PPP4R3B: variants seen among roughly 807,000 people sequenced by gnomAD.
The protein encoded by PPP4R3B is serine/threonine-protein phosphatase 4 regulatory subunit 3B.
In PPP4R3B, 52 loss-of-function variants were observed where a neutral mutation model predicts 95.4. The observed-to-expected ratio is 0.54, with a 90% confidence interval of 0.44 to 0.69. The LOEUF is 0.69. Among genes scored for constraint, PPP4R3B ranks in the 30% least tolerant of loss-of-function variants. PPP4R3B has a pLI of 0.00. For synonymous variants in PPP4R3B, 407 were observed against 343.9 expected, an observed-to-expected ratio of 1.18 and a Z score of -2.03; for missense variants, 1,003 against 1,005.9, an observed-to-expected ratio of 1.00 and a Z score of 0.04.
In PPP4R3B at chr2:55,547,354, A is replaced by G. The variant is rs1430925404; in HGVS notation, c.*2557T>C. The G allele has an allele frequency of 6.6e-6, 1 of 152,226 alleles. No individual in the cohort carries two copies. Among genetic ancestry groups the G allele is most frequent in the Non-Finnish European group, 1.5e-5 (1 of 68,038 alleles). 9.4% of individuals were successfully genotyped at this position (152,226 alleles called of 1,614,324 possible). ...TATTGGACACATGTTTACAGATACC[A>G]TTTTAAGAAGACCTAAGGCATACAA... On this transcript the variant is annotated 3_prime_UTR_variant, in exon 17 of 17. Coordinates refer to ENST00000616407, the MANE Select transcript of PPP4R3B (RefSeq NM_001122964.3).
chr2:55,617,048 G>A (rs971639115), intron 1 of PPP4R3B, 96 bp downstream of exon 1: 12 of 1,416,700 alleles, frequency 8.5e-6, no homozygotes, highest in Non-Finnish European at 1.1e-5. Context: ...GCGCTGTCCC[G>A]AAGGAGTAGC....
At chr2:55,605,411 T>C (rs1693240409) in intron 2 of PPP4R3B, among the ~76,000 whole-genome samples, 1 of 152,176 alleles carries the variant, frequency 6.6e-6, no homozygotes, top group South Asian at 2.1e-4. Context: ...ATGGGAACAT[T>C]TCAGTACTTT....
chr2:55,615,241 C>A (rs1694727659), intron 2 of PPP4R3B: 3 of 509,782 alleles, frequency 5.9e-6, no homozygotes, highest in East Asian at 7.2e-5. Flanking sequence ...TTAGAATAAA[C>A]CGACAGTGGC....
rs1368441393 is a variant in PPP4R3B at position 55,579,165 on chromosome 2, G to A, written c.1468+514C>T. 3.3e-5 allele frequency among the ~76,000 whole-genome samples: 5 copies of A among 151,918 alleles called. No homozygotes were observed. The South Asian group carries it at 8.3e-4, about 25-fold the overall frequency. Reference sequence around the variant, plus strand: ...ACAGAAATTGCAGCTGATGAATTACGGGTGCCGATTACATAAGAAAGAGAA... The same window carrying A: ...ACAGAAATTGCAGCTGATGAATTACAGGTGCCGATTACATAAGAAAGAGAA... On this transcript the variant is annotated intron_variant, in intron 9 of 16. Transcript: ENST00000616407.
At chr2:55,565,674 C>T (rs1293665935) in intron 13 of PPP4R3B, 2 of 197,838 alleles carry the variant, frequency 1.0e-5, no homozygotes, top group African/African-American at 4.7e-5. Context: ...TTAATGACTT[C>T]CTGTTTAACT....
At chr2:55,609,230 C>T (rs9636439) in intron 2 of PPP4R3B, among the ~76,000 whole-genome samples, 106,757 of 151,866 alleles carry the variant, frequency 0.7, 38,324 homozygotes, top group Non-Finnish European at 0.77. Flanking sequence ...GTGATCATCA[C>T]GAACTATAGC....
Position 55,558,955 on chromosome 2 carries a change from T to G in PPP4R3B, c.2274A>C (p.Glu758Asp). The G allele has an allele frequency of 1.2e-6, 2 of 1,606,334 alleles. No individual in the cohort carries two copies. The highest frequency in any genetic ancestry group is 1.1e-5 in the South Asian group (1 of 89,368). Reference sequence around the variant, plus strand: ...TCCTTTTGGGAAGGTTTTCCTTGTCTTCACTTTCTTTTGCTAAAGCAAAAG... The same window carrying G: ...TCCTTTTGGGAAGGTTTTCCTTGTCGTCACTTTCTTTTGCTAAAGCAAAAG... ...FMETKKAKES[E>D]DKENLPKRTS... Residue 758 changes from glutamate (E) to aspartate (D), a missense_variant, in exon 16 of 17, where the codon GAA becomes GAC. Glu to Asp is a conservative substitution (Grantham distance 45). Around this residue, in one of 3 missense-constraint regions of PPP4R3B, gnomAD observed 229 missense variants for 194.7 expected, o/e 1.18. Coordinates refer to ENST00000616407, the MANE Select transcript of PPP4R3B (RefSeq NM_001122964.3).
At chr2:55,593,683 T>C (rs895481148) in intron 4 of PPP4R3B, among the ~76,000 whole-genome samples, 1 of 152,150 alleles carries the variant, frequency 6.6e-6, no homozygotes, top group African/African-American at 2.4e-5. Context: ...GGCACTAGGA[T>C]TGCTTGAGGC....
chr2:55,572,163 T>TA (rs1172498513), intron 12 of PPP4R3B, among the ~76,000 whole-genome samples: 5 of 151,896 alleles, frequency 3.3e-5, no homozygotes, highest in Non-Finnish European at 5.9e-5. Context: ...TACATAAATG[T>TA]AAAAAAGGAA....
chr2:55,579,855 C>T (rs1318187990), intron 8 of PPP4R3B, 74 bp from the exon 9 acceptor site: 2 of 882,306 alleles, frequency 2.3e-6, no homozygotes, highest in South Asian at 1.8e-5. Flanking sequence ...GCAGTACATA[C>T]CTTTTCCAGA....
chr2:55,585,766 A>C lies in PPP4R3B; in HGVS notation c.1117-599T>G, dbSNP rs968943695. Among the ~76,000 whole-genome samples the C allele has an allele frequency of 3.3e-5, 5 of 152,228 alleles. No homozygotes were observed. In the East Asian group the frequency reaches 7.7e-4, roughly 23 times the overall value. On this transcript the variant is annotated intron_variant, in intron 6 of 16. Coordinates refer to ENST00000616407, the MANE Select transcript of PPP4R3B (RefSeq NM_001122964.3). ...AAAACCTTGAGGTGATTCTGAAAACACTCCCCAACCCAGCAGTTCTCAAAG... is the reference window on the plus strand; with the variant it reads ...AAAACCTTGAGGTGATTCTGAAAACCCTCCCCAACCCAGCAGTTCTCAAAG...
At chr2:55,611,612 C>CA (rs936462635) in intron 2 of PPP4R3B, among the ~76,000 whole-genome samples, 6 of 152,170 alleles carry the variant, frequency 3.9e-5, no homozygotes, top group African/African-American at 1.4e-4. Context: ...TTTAGGCTCA[C>CA]AATTTGGTAC....
At chr2:55,610,144 A>C (rs1003099241) in intron 2 of PPP4R3B, among the ~76,000 whole-genome samples, 3 of 152,146 alleles carry the variant, frequency 2.0e-5, no homozygotes, top group Non-Finnish European at 4.4e-5. Flanking sequence ...ATCATTTACT[A>C]AATTTTCCAG....
At chr2:55,557,824 A>C (rs1686050740) in intron 16 of PPP4R3B, among the ~76,000 whole-genome samples, 1 of 152,160 alleles carries the variant, frequency 6.6e-6, no homozygotes, top group Non-Finnish European at 1.5e-5. Flanking sequence ...AAAAAGGATG[A>C]TTTCATATAA....
intron 15 of PPP4R3B, among the ~76,000 whole-genome samples, chr2:55,563,178 T>C (rs905397664): frequency 5.9e-5 from 9 of 152,248 alleles, no homozygotes. Flanking sequence ...GATATTTTAA[T>C]AAGCTTTTTG....
At chr2:55,550,076 T>C (rs1047764334) in intron 16 of PPP4R3B, 70 bp from the exon 17 acceptor site, 1 of 950,026 alleles carries the variant, frequency 1.1e-6, no homozygotes, top group Non-Finnish European at 1.6e-6. Flanking sequence ...ACAAATACAA[T>C]CACTTGTAAA....
At chr2:55,608,563 T>C (rs1693731491) in intron 2 of PPP4R3B, among the ~76,000 whole-genome samples, 1 of 152,216 alleles carries the variant, frequency 6.6e-6, no homozygotes, top group Non-Finnish European at 1.5e-5. Context: ...TATCTTTTGC[T>C]TGGACTATGC....
chr2:55,613,488 T>A (rs1014938894), intron 2 of PPP4R3B, among the ~76,000 whole-genome samples: 10 of 152,132 alleles, frequency 6.6e-5, no homozygotes, highest in Admixed American at 2.0e-4. Flanking sequence ...TACTTTATAC[T>A]AAGTGTATAC....
intron 2 of PPP4R3B, among the ~76,000 whole-genome samples, chr2:55,613,829 G>A (rs1285632637): frequency 6.7e-6 from 1 of 149,660 alleles, no homozygotes; most frequent in Non-Finnish European, 1.5e-5. Flanking sequence ...AAAAAAATTA[G>A]TATTTCTTTC....
Sources: gnomAD v4.1 joint callset for allele counts (sites outside exome capture counted in the v4.1 genomes callset) on GRCh38, gnomAD v4.1.1 for gene constraint, gnomAD v4.1.1 regional missense constraint, MANE v1.5 for transcripts, NCBI Gene and HGNC (gene_info 2026-07-23, HGNC 2026-07-21) for gene names.